Variants in UBR3 observed in about 807,000 individuals in gnomAD.
UBR3 encodes ubiquitin protein ligase E3 component n-recognin 3.
In UBR3, 85 loss-of-function variants were observed where a neutral mutation model predicts 243.2. That is an observed-to-expected ratio of 0.35 (90% CI 0.29 to 0.42). The LOEUF is 0.42. Ranked by LOEUF, UBR3 falls within the 10% of genes least tolerant of loss-of-function variation. UBR3 has a pLI of 1.00. For synonymous variants in UBR3, 748 were observed against 799.8 expected (o/e 0.94, Z 1.09); for missense variants, 1,686 against 2,300.8 (o/e 0.73, Z 5.47).
intron 6 of UBR3, among the ~76,000 whole-genome samples, chr2:169,891,797 A>G (rs944887270): frequency 6.6e-6 from 1 of 152,178 alleles, no homozygotes; most frequent in Non-Finnish European, 1.5e-5. Context: ...TGTGTTAGAC[A>G]TGTTAGAGAT....
intron 10 of UBR3, among the ~76,000 whole-genome samples, chr2:169,906,548 T>A (rs2085016669): frequency 6.6e-6 from 1 of 151,744 alleles, no homozygotes; most frequent in African/African-American, 2.4e-5. Flanking sequence ...TTATATAATG[T>A]ATATTATAAT....
intron 1 of UBR3, among the ~76,000 whole-genome samples, chr2:169,845,491 C>CG (rs1459575092): frequency 1.5e-4 from 7 of 45,776 alleles, no homozygotes; most frequent in South Asian, 5.0e-4. Flanking sequence ...TCCTTTCCCT[C>CG]TTCGTCGTCA....
intron 11 of UBR3, among the ~76,000 whole-genome samples, chr2:169,918,495 T>TA (rs2085551721): frequency 6.6e-6 from 1 of 151,458 alleles, no homozygotes; most frequent in Non-Finnish European, 1.5e-5. Context: ...ATAATTTTTT[T>TA]TTTTTTTTTT....
chr2:169,829,427 T>G (rs1000828576), intron 1 of UBR3, among the ~76,000 whole-genome samples: 15 of 149,122 alleles, frequency 1.0e-4, no homozygotes, highest in African/African-American at 3.0e-4. Context: ...TTTGAGTTTT[T>G]TTTTTTTTTT....
Position 169,933,021 on chromosome 2 carries a change from A to G in UBR3, c.2663+13A>G. 1 of 1,498,622 alleles carries G rather than the reference A, an allele frequency of 6.7e-7. No individual in the cohort carries two copies. The highest frequency in any genetic ancestry group is 8.9e-7 in the Non-Finnish European group (1 of 1,123,574). The allele number at this position is 1,498,622 out of a possible 1,614,324, so 92.8% of individuals were successfully genotyped here. On this transcript the variant is annotated intron_variant, in intron 19 of 38. Transcript: ENST00000272793. ...GATATACTGCATTGTAAGTCCATCA[A>G]ATTGATTAGCATCATAACAGTATTT...
chr2:170,061,485 T>C (rs62172048), intron 35 of UBR3, 42 bp downstream of exon 35: 436 of 1,091,546 alleles, frequency 4.0e-4, no homozygotes, highest in Non-Finnish European at 5.0e-4. Context: ...TTTTTTTTTT[T>C]CAGATGGAGT....
rs2081795227 is a variant in UBR3, at chr2:169,827,879, G to C, written c.372G>C (p.Trp124Cys). ...YDPAALCGLV[W>C]TANFVAYRCR... is the part of the protein sequence containing the mutation. ...CCGCGGCGCTCTGCGGCCTGGTCTG[G>C]ACAGCCAACTTCGTGGCCTACCGCT... Residue 124 changes from tryptophan (W) to cysteine (C), a missense_variant, in exon 1 of 39, where the codon TGG becomes TGC. Coordinates refer to ENST00000272793, the MANE Select transcript of UBR3 (RefSeq NM_172070.4). The C allele has an allele frequency of 6.6e-7, 1 of 1,518,234 alleles. No individual in the cohort carries two copies. The allele number at this position is 1,518,234 out of a possible 1,614,324, so 94.0% of individuals were successfully genotyped here.
chr2:170,053,212 G>A (rs908150058), intron 32 of UBR3, among the ~76,000 whole-genome samples: 1 of 152,264 alleles, frequency 6.6e-6, no homozygotes, highest in Non-Finnish European at 1.5e-5. Flanking sequence ...GATAAGAGTG[G>A]CACACTATGC....
chr2:169,829,612 A>G (rs2081863119), intron 1 of UBR3, among the ~76,000 whole-genome samples: 1 of 151,864 alleles, frequency 6.6e-6, no homozygotes, highest in African/African-American at 2.4e-5. Context: ...TTTAGTAGAG[A>G]CAGGGTTTCT....
At chr2:169,884,906 T>C (rs1296338765) in intron 5 of UBR3, among the ~76,000 whole-genome samples, 1 of 152,166 alleles carries the variant, frequency 6.6e-6, no homozygotes, top group Admixed American at 6.5e-5. Context: ...TAGATTAAGG[T>C]GAAAATAGAT....
At chr2:169,924,233 T>G in intron 13 of UBR3, 60 bp downstream of exon 13, 1 of 1,234,786 alleles carries the variant, frequency 8.1e-7, no homozygotes. Flanking sequence ...TGATTCTTCC[T>G]TTATTTATAT....
Position 169,827,646 on chromosome 2 carries a change from G to A in UBR3, c.139G>A (p.Gly47Ser). 8.0e-7 allele frequency: 1 copy of A among 1,251,524 alleles called. No individual in the cohort carries two copies. The highest frequency in any genetic ancestry group is 1.0e-6 in the Non-Finnish European group (1 of 999,264). 77.5% of individuals were successfully genotyped at this position (1,251,524 alleles called of 1,614,324 possible). Residue 47 changes from glycine (G) to serine (S), a missense_variant, in exon 1 of 39, where the codon GGT (glycine) becomes AGT (serine). This residue lies in a region of UBR3 where 79 missense variants were observed against 73.2 expected (regional missense o/e 1.08). Transcript: ENST00000272793. ...CCTCAGCCGGCCGGACAACCGCGCA[G>A]GTGCTGAGGAGCTGCAGGCGCTGCT... is the stretch of plus-strand genomic sequence containing the variant. The part of the protein sequence containing the change: ...AALSRPDNRA[G>S]AEELQALLER...
At chr2:169,969,715 A>AT (rs2088007102) in intron 24 of UBR3, among the ~76,000 whole-genome samples, 1 of 151,054 alleles carries the variant, frequency 6.6e-6, no homozygotes. Flanking sequence ...TGCCCGGCTA[A>AT]TTTTTTTATA....
intron 30 of UBR3, among the ~76,000 whole-genome samples, chr2:170,017,985 T>G (rs1453595822): frequency 1.3e-5 from 2 of 152,192 alleles, no homozygotes; most frequent in Admixed American, 1.3e-4. Flanking sequence ...CCTTGCCAAG[T>G]CACACAGCTG....
At chr2:170,005,040 A>T (rs2089862070) in intron 27 of UBR3, among the ~76,000 whole-genome samples, 1 of 152,042 alleles carries the variant, frequency 6.6e-6, no homozygotes, top group South Asian at 2.1e-4. Context: ...TGGCTAACAC[A>T]GTGAAACCCC....
chr2:169,919,438 C>T (rs938571106), intron 11 of UBR3, among the ~76,000 whole-genome samples: 11 of 152,096 alleles, frequency 7.2e-5, no homozygotes, highest in Non-Finnish European at 1.6e-4. Context: ...AAAGCAATGG[C>T]AACAAAAGCC....
Position 169,996,688 on chromosome 2 carries a change from C to CTTT in UBR3, c.3918+2234_3918+2236dup, listed in dbSNP as rs1208683414. On this transcript the variant is annotated intron_variant, in intron 26 of 38. Transcript: ENST00000272793. Reference sequence around the variant, plus strand: ...TTTCTTTGTTCTTTATTGCTTTGGACTTTTGTTTTTTTTTTTTTTTTTTTA... The same window carrying CTTT: ...TTTCTTTGTTCTTTATTGCTTTGGACTTTTTTTGTTTTTTTTTTTTTTTTTTTA... Among the ~76,000 whole-genome samples, 144 of 88,200 alleles carry CTTT rather than the reference C, an allele frequency of 1.6e-3. 2 individuals carry two copies. Among genetic ancestry groups the CTTT allele is most frequent in the Non-Finnish European group, 1.9e-3 (87 of 44,832 alleles). 57.9% of individuals were successfully genotyped at this position (88,200 alleles called of 152,430 possible). A position where few individuals can be genotyped will look rare whatever the true frequency, so the allele number is the denominator to read the frequency against.
At chr2:170,055,658 A>C in intron 33 of UBR3, 74 bp downstream of exon 33, 1 of 1,548,960 alleles carries the variant, frequency 6.5e-7, no homozygotes, top group Non-Finnish European at 8.8e-7. Flanking sequence ...AGTGAATAAG[A>C]GTAGGTGTTA....
At chr2:169,962,249 T>A (rs10196792) in intron 24 of UBR3, among the ~76,000 whole-genome samples, 2,046 of 151,158 alleles carry the variant, frequency 0.014, 13 homozygotes, top group Non-Finnish European at 0.02. Flanking sequence ...TCTTAAAAAT[T>A]TTTTTTTTTA....
Sources: allele counts gnomAD v4.1 joint callset (sites outside exome capture counted in the v4.1 genomes callset), GRCh38; gene constraint gnomAD v4.1.1; regional missense constraint gnomAD v4.1.1; transcripts MANE v1.5; gene names NCBI Gene and HGNC (gene_info 2026-07-23, HGNC 2026-07-21).